Variants in KIAA1328 observed in about 807,000 individuals in gnomAD.
KIAA1328 encodes protein hinderin.
KIAA1328 carries 52 observed loss-of-function variants against 68.1 expected under a neutral mutation model. The observed-to-expected ratio is 0.76, with a 90% CI of 0.61 to 0.96. The LOEUF is 0.96. Ranked by LOEUF, KIAA1328 falls within the 40% of genes least tolerant of loss-of-function variation. The probability of loss-of-function intolerance (pLI) is 0.00; values close to 1 mark genes in which losing one functional copy is unlikely to be tolerated. For synonymous variants in KIAA1328, 232 were observed against 239.4 expected, an observed-to-expected ratio of 0.97 and a Z score of 0.28; for missense variants, 641 against 677.6, an observed-to-expected ratio of 0.95 and a Z score of 0.60.
At chr18:36,927,370 A>G (rs2050156708) in intron 5 of KIAA1328, among the ~76,000 whole-genome samples, 1 of 152,222 alleles carries the variant, frequency 6.6e-6, no homozygotes, top group Non-Finnish European at 1.5e-5. Context: ...ACTATGGCAT[A>G]ATTGTTACTT....
intron 6 of KIAA1328, among the ~76,000 whole-genome samples, chr18:37,007,510 T>A (rs2053825207): frequency 6.6e-6 from 1 of 152,218 alleles, no homozygotes; most frequent in Non-Finnish European, 1.5e-5. Flanking sequence ...ATGAGAACAG[T>A]TGCAAGAAAG....
intron 6 of KIAA1328, among the ~76,000 whole-genome samples, chr18:37,024,431 G>C (rs1390825380): frequency 6.6e-6 from 1 of 151,156 alleles, no homozygotes; most frequent in Non-Finnish European, 1.5e-5. Context: ...ACAATGTGCA[G>C]GTTTGTTAAA....
At chr18:37,050,800 A>G (rs552682545) in intron 6 of KIAA1328, among the ~76,000 whole-genome samples, 3 of 152,338 alleles carry the variant, frequency 2.0e-5, no homozygotes, top group African/African-American at 7.2e-5. Context: ...ACCAAGACAT[A>G]TTCAGTAATT....
chr18:37,015,056 C>T (rs970554602), intron 6 of KIAA1328, among the ~76,000 whole-genome samples: 1 of 152,110 alleles, frequency 6.6e-6, no homozygotes, highest in African/African-American at 2.4e-5. Context: ...GCACGCACTG[C>T]CATGCCCAGC....
At chr18:36,932,329 C>T (rs919070290) in intron 5 of KIAA1328, among the ~76,000 whole-genome samples, 3 of 152,172 alleles carry the variant, frequency 2.0e-5, no homozygotes, top group Admixed American at 2.0e-4. Flanking sequence ...CTCAAAGAAT[C>T]CTGCCTCAGC....
At chr18:37,221,917 A>G in intron 9 of KIAA1328, 100 bp from the exon 10 acceptor site, 1 of 1,144,912 alleles carries the variant, frequency 8.7e-7, no homozygotes, top group Non-Finnish European at 1.3e-6. Context: ...TGTGATCTGT[A>G]ATCTAATTCT....
At chr18:36,909,134 C>CT (rs1298857311) in intron 5 of KIAA1328, among the ~76,000 whole-genome samples, 7 of 151,690 alleles carry the variant, frequency 4.6e-5, no homozygotes, top group African/African-American at 7.3e-5. Flanking sequence ...AGCTAATATG[C>CT]TTTTTTTTAT....
At chr18:36,912,913 G>C (rs964951799) in intron 5 of KIAA1328, among the ~76,000 whole-genome samples, 13 of 152,042 alleles carry the variant, frequency 8.6e-5, no homozygotes, top group Non-Finnish European at 1.6e-4. Context: ...AAACATTCCC[G>C]TTCAAAAAAG....
intron 9 of KIAA1328, among the ~76,000 whole-genome samples, chr18:37,184,883 G>A (rs1280397225): frequency 1.3e-5 from 2 of 152,114 alleles, no homozygotes; most frequent in Non-Finnish European, 2.9e-5. Flanking sequence ...GTTTGGGTTG[G>A]CCAGGCGTGG....
At chr18:37,103,739 A>T (rs1383349114) in intron 7 of KIAA1328, among the ~76,000 whole-genome samples, 1 of 152,098 alleles carries the variant, frequency 6.6e-6, no homozygotes, top group Non-Finnish European at 1.5e-5. Context: ...AAGAAAGTAT[A>T]TACAAAGTAT....
chr18:37,180,973 A>G (rs935464818), intron 9 of KIAA1328, among the ~76,000 whole-genome samples: 3 of 152,146 alleles, frequency 2.0e-5, no homozygotes, highest in Non-Finnish European at 4.4e-5. Flanking sequence ...TACAAATTAC[A>G]TATTATTGTC....
chr18:36,974,252 G>T (rs1453409896), intron 6 of KIAA1328, among the ~76,000 whole-genome samples: 1 of 152,118 alleles, frequency 6.6e-6, no homozygotes, highest in Non-Finnish European at 1.5e-5. Context: ...TGGGCTTTTA[G>T]TGTATCCATC....
chr18:37,063,595 T>C, intron 6 of KIAA1328: 2 of 981,550 alleles, frequency 2.0e-6, no homozygotes, highest in South Asian at 9.4e-5. Flanking sequence ...GGGAGCATCT[T>C]AGAATTCTGC....
Position 37,075,090 on chromosome 18 carries a change from G to A in KIAA1328, c.1232+7545G>A, listed in dbSNP as rs1297411634. The stretch of plus-strand genomic sequence containing the variant: ...TTAAGGGCAGCCAGAGAGAAAGGTT[G>A]GGTTACCCACAAAGGGAAGCCCATC... On this transcript the variant is annotated intron_variant, in intron 7 of 9. Transcript: ENST00000280020. 9.9e-5 allele frequency: 15 copies of A among 152,046 alleles called. No homozygotes were observed. The South Asian group carries it at 2.5e-3, about 25-fold the overall frequency. 9.4% of individuals were successfully genotyped at this position (152,046 alleles called of 1,614,324 possible).
intron 4 of KIAA1328, among the ~76,000 whole-genome samples, chr18:36,885,043 A>G (rs1487003421): frequency 1.3e-5 from 2 of 151,986 alleles, no homozygotes; most frequent in African/African-American, 2.4e-5. Flanking sequence ...TTATTTAATC[A>G]TACTATTTAT....
intron 6 of KIAA1328, among the ~76,000 whole-genome samples, chr18:37,057,715 A>G (rs1402401933): frequency 6.6e-6 from 1 of 151,994 alleles, no homozygotes; most frequent in African/African-American, 2.4e-5. Context: ...GATTACAGGC[A>G]TGAGCCACCA....
chr18:37,136,001 A>G (rs1599389082), intron 7 of KIAA1328, among the ~76,000 whole-genome samples: 2 of 152,048 alleles, frequency 1.3e-5, no homozygotes, highest in African/African-American at 4.8e-5. Context: ...TATTTTTTCC[A>G]TTGGTCTATG....
chr18:36,897,559 A>G (rs977685207), intron 5 of KIAA1328, among the ~76,000 whole-genome samples: 1 of 152,048 alleles, frequency 6.6e-6, no homozygotes, highest in Non-Finnish European at 1.5e-5. Flanking sequence ...CTAGTGAGAA[A>G]TTTGCATGGG....
intron 5 of KIAA1328, chr18:36,954,546 A>G (rs2051319927): frequency 6.6e-6 from 1 of 152,110 alleles, no homozygotes; most frequent in African/African-American, 2.4e-5. Flanking sequence ...ACTCATTAAC[A>G]TTTCACCTAA....
Sources: gnomAD v4.1 joint callset for allele counts (sites outside exome capture counted in the v4.1 genomes callset) on GRCh38, gnomAD v4.1.1 for gene constraint, MANE v1.5 for transcripts, NCBI Gene and HGNC (gene_info 2026-07-23, HGNC 2026-07-21) for gene names.